Variants in MCTP1 observed in about 807,000 individuals in gnomAD.
The protein encoded by MCTP1 is multiple C2 and transmembrane domain containing 1.
MCTP1 carries 69 observed loss-of-function variants against 120.6 expected under a neutral mutation model. The ratio of observed to expected loss-of-function variants is 0.57; its 90% confidence interval spans 0.47 to 0.70. MCTP1 has a LOEUF of 0.70. MCTP1 is among the 30% of genes least tolerant of loss of function. MCTP1 has a pLI of 0.00. For synonymous variants in MCTP1, 529 were observed against 493.1 expected, an observed-to-expected ratio of 1.07 and a Z score of -0.96; for missense variants, 1,203 against 1,248.8, an observed-to-expected ratio of 0.96 and a Z score of 0.55.
chr5:95,221,261 G>T (rs1300213060), intron 1 of MCTP1, among the ~76,000 whole-genome samples: 13 of 152,200 alleles, frequency 8.5e-5, no homozygotes, highest in Non-Finnish European at 1.2e-4. Context: ...CCAATGAAAA[G>T]TTCAGTTTGG....
intron 1 of MCTP1, among the ~76,000 whole-genome samples, chr5:95,270,944 C>T (rs1759340435): frequency 9.5e-6 from 1 of 105,812 alleles, no homozygotes; most frequent in South Asian, 3.1e-4. Flanking sequence ...AAAAAAAATG[C>T]ACATTGTGAT....
intron 2 of MCTP1, among the ~76,000 whole-genome samples, chr5:94,975,405 C>T (rs1581656552): frequency 6.6e-6 from 1 of 151,862 alleles, no homozygotes; most frequent in Non-Finnish European, 1.5e-5. Flanking sequence ...CTCTCTCTTT[C>T]TCCATGCACT....
chr5:95,177,531 G>A (rs1272701174), intron 1 of MCTP1, among the ~76,000 whole-genome samples: 2 of 152,166 alleles, frequency 1.3e-5, no homozygotes, highest in Non-Finnish European at 2.9e-5. Context: ...ATTAAGAGTA[G>A]TATCTTAAAA....
intron 19 of MCTP1, among the ~76,000 whole-genome samples, chr5:94,748,465 T>C (rs1767451338): frequency 6.6e-6 from 1 of 152,222 alleles, no homozygotes. Flanking sequence ...CATGGTTAAA[T>C]AGGTACATAC....
rs573334808 is a variant in MCTP1, at chr5:95,124,205, G to A, written c.721-106721C>T. Among the ~76,000 whole-genome samples, 5 of 152,268 alleles carry A rather than the reference G, an allele frequency of 3.3e-5. No individual in the cohort carries two copies. In the East Asian group the frequency reaches 9.7e-4, roughly 29 times the overall value. On this transcript the variant is annotated intron_variant, in intron 1 of 22. Transcript: ENST00000515393. Reference sequence around the variant, plus strand: ...TCTCAGATAAATGAAGGTTTAAGATGAATTTTTACTTCTGAGTTTTTCTCC... The same window carrying A: ...TCTCAGATAAATGAAGGTTTAAGATAAATTTTTACTTCTGAGTTTTTCTCC...
At chr5:94,774,410 G>A (rs1479449276) in intron 19 of MCTP1, among the ~76,000 whole-genome samples, 3 of 152,096 alleles carry the variant, frequency 2.0e-5, no homozygotes, top group South Asian at 4.1e-4. Flanking sequence ...ACCCAACAGA[G>A]ATTCTCCACT....
chr5:95,170,143 T>C (rs1324678834), intron 1 of MCTP1, among the ~76,000 whole-genome samples: 1 of 152,226 alleles, frequency 6.6e-6, no homozygotes, highest in Non-Finnish European at 1.5e-5. Context: ...AGAACATCTT[T>C]ATTTCTGCCT....
At chr5:95,073,085 C>T (rs970424106) in intron 1 of MCTP1, among the ~76,000 whole-genome samples, 2 of 152,116 alleles carry the variant, frequency 1.3e-5, no homozygotes, top group Non-Finnish European at 2.9e-5. Flanking sequence ...CCACTTTGCT[C>T]CTTGTTACAG....
intron 17 of MCTP1, among the ~76,000 whole-genome samples, chr5:94,829,237 T>C (rs746984071): frequency 6.6e-6 from 1 of 152,166 alleles, no homozygotes; most frequent in Non-Finnish European, 1.5e-5. Flanking sequence ...CCCCAACCCC[T>C]TGTGCTTCCT....
intron 1 of MCTP1, among the ~76,000 whole-genome samples, chr5:95,035,027 C>G (rs773317116): frequency 2.0e-5 from 3 of 152,040 alleles, no homozygotes; most frequent in Non-Finnish European, 4.4e-5. Context: ...AAGATGCCAT[C>G]TCACACCAGT....
At chr5:95,051,982 G>A (rs1472508763) in intron 1 of MCTP1, among the ~76,000 whole-genome samples, 1 of 151,956 alleles carries the variant, frequency 6.6e-6, no homozygotes, top group African/African-American at 2.4e-5. Context: ...AAACCCCCGT[G>A]ACACACAATT....
intron 3 of MCTP1, among the ~76,000 whole-genome samples, chr5:94,950,053 C>G (rs1820095404): frequency 1.3e-5 from 2 of 149,466 alleles, no homozygotes; most frequent in South Asian, 4.2e-4. Flanking sequence ...GATTTTCTTT[C>G]AAAAAAAGCC....
At position 94,985,410 on chromosome 5, in the gene MCTP1, T is replaced by C. The variant is rs184157836; in HGVS notation, c.838+31957A>G. 3.4e-3 allele frequency among the ~76,000 whole-genome samples: 522 copies of C among 152,310 alleles called. 3 individuals carry two copies. Among genetic ancestry groups the C allele is most frequent in the African/African-American group, 0.012 (497 of 41,576 alleles). The stretch of plus-strand genomic sequence containing the variant: ...AAGATCTATTTTTTATTTTCTCTTC[T>C]GTTTAAATTTTTACACCTACAATGT... On this transcript the variant is annotated intron_variant, in intron 2 of 22. Coordinates refer to ENST00000515393, the MANE Select transcript of MCTP1 (RefSeq NM_024717.7).
At chr5:95,224,368 C>T (rs1754024350) in intron 1 of MCTP1, among the ~76,000 whole-genome samples, 2 of 152,198 alleles carry the variant, frequency 1.3e-5, no homozygotes, top group Admixed American at 6.5e-5. Context: ...GGGATATTTA[C>T]ATTTAATGTT....
chr5:94,823,387 T>C (rs1312765880), intron 17 of MCTP1, among the ~76,000 whole-genome samples: 1 of 152,220 alleles, frequency 6.6e-6, no homozygotes. Flanking sequence ...GACTCTGTTC[T>C]GTTCCATTGA....
At chr5:94,868,821 C>G (rs1165111426) in intron 16 of MCTP1, among the ~76,000 whole-genome samples, 1 of 151,830 alleles carries the variant, frequency 6.6e-6, no homozygotes. Context: ...GGTTTAATTT[C>G]AAGACATTTC....
At chr5:95,013,580 C>G (rs1262758738) in intron 2 of MCTP1, among the ~76,000 whole-genome samples, 1 of 152,112 alleles carries the variant, frequency 6.6e-6, no homozygotes, top group East Asian at 1.9e-4. Flanking sequence ...ATCTACTCTG[C>G]CTGTGCCCTA....
chr5:95,129,720 C>T (rs745703639), intron 1 of MCTP1, among the ~76,000 whole-genome samples: 1 of 151,570 alleles, frequency 6.6e-6, no homozygotes. Context: ...AGTGCAGTGG[C>T]GCAATCTTGG....
intron 18 of MCTP1, among the ~76,000 whole-genome samples, chr5:94,797,403 T>C (rs1780325565): frequency 6.6e-6 from 1 of 152,134 alleles, no homozygotes; most frequent in Non-Finnish European, 1.5e-5. Context: ...TATTCTTCTC[T>C]CTCTAAAATC....
Sources: gnomAD v4.1 joint callset for allele counts (sites outside exome capture counted in the v4.1 genomes callset) on GRCh38, gnomAD v4.1.1 for gene constraint, MANE v1.5 for transcripts, NCBI Gene and HGNC (gene_info 2026-07-23, HGNC 2026-07-21) for gene names.